Variants in ASTN2 observed in about 807,000 individuals in gnomAD.
ASTN2 encodes the protein astrotactin 2.
Under a neutral mutation model 139.8 loss-of-function variants are expected in ASTN2, and 54 were observed. The ratio of observed to expected loss-of-function variants is 0.39; its 90% confidence interval spans 0.31 to 0.48. ASTN2 has a LOEUF of 0.48. Ranked by LOEUF, ASTN2 falls within the 20% of genes least tolerant of loss-of-function variation. ASTN2 has a pLI of 0.95. For synonymous variants in ASTN2, 756 were observed against 719.5 expected (o/e 1.05, Z -0.81); for missense variants, 1,565 against 1,725.1 (o/e 0.91, Z 1.64).
intron 1 of ASTN2, among the ~76,000 whole-genome samples, chr9:117,363,744 T>C (rs1034765408): frequency 2.0e-5 from 3 of 152,150 alleles, no homozygotes; most frequent in Non-Finnish European, 4.4e-5. Flanking sequence ...CTGTTATCAG[T>C]GCCCAGGACA....
intron 16 of ASTN2, among the ~76,000 whole-genome samples, chr9:116,713,521 C>T (rs13340650): frequency 0.085 from 12,889 of 152,178 alleles, 1,821 homozygotes; most frequent in African/African-American, 0.29. Flanking sequence ...TGCAGGCTTA[C>T]ATCCTGCCGA....
intron 7 of ASTN2, among the ~76,000 whole-genome samples, chr9:116,998,652 G>C (rs987676932): frequency 1.3e-5 from 2 of 152,042 alleles, no homozygotes; most frequent in African/African-American, 4.8e-5. Flanking sequence ...TCCAGATACA[G>C]CAATAAACAA....
At position 116,633,206 on chromosome 9, in the gene ASTN2, G is replaced by A. The variant is rs531664641; in HGVS notation, c.3073-12763C>T. 2.6e-5 allele frequency among the ~76,000 whole-genome samples: 4 copies of A among 152,370 alleles called. 1 individual carries two copies. Among genetic ancestry groups the A allele is most frequent in the Admixed American group, 2.0e-4 (3 of 15,308 alleles). Reference sequence around the variant, plus strand: ...GAAACATCGGTTATAACTCTAGGGAGAAGACATAGCCATATCAGTAGCCTC... The same window carrying A: ...GAAACATCGGTTATAACTCTAGGGAAAAGACATAGCCATATCAGTAGCCTC... On this transcript the variant is annotated intron_variant, in intron 17 of 22. Transcript: ENST00000313400.
At chr9:117,393,157 C>T (rs1348591500) in intron 1 of ASTN2, among the ~76,000 whole-genome samples, 3 of 152,324 alleles carry the variant, frequency 2.0e-5, no homozygotes, top group East Asian at 3.9e-4. Context: ...TCCTTAGCTG[C>T]AAATACCATA....
At chr9:116,529,653 A>T (rs544181679) in intron 19 of ASTN2, among the ~76,000 whole-genome samples, 1 of 152,150 alleles carries the variant, frequency 6.6e-6, no homozygotes, top group South Asian at 2.1e-4. Context: ...TGTAATCCCC[A>T]CGTGTCAGGG....
At chr9:116,634,556 C>T (rs933912190) in intron 17 of ASTN2, among the ~76,000 whole-genome samples, 105 of 149,130 alleles carry the variant, frequency 7.0e-4, no homozygotes, top group African/African-American at 2.5e-3. Context: ...CGCCACTGCA[C>T]CCCAGCCTGG....
chr9:117,207,275 C>T (rs1831959139), intron 3 of ASTN2, among the ~76,000 whole-genome samples: 1 of 152,018 alleles, frequency 6.6e-6, no homozygotes, highest in African/African-American at 2.4e-5. Flanking sequence ...TCCTGTGGGC[C>T]ACCACCCACA....
At chr9:117,221,847 GA>G (rs57161095) in intron 2 of ASTN2, among the ~76,000 whole-genome samples, 2,504 of 145,002 alleles carry the variant, frequency 0.017, 78 homozygotes, top group African/African-American at 0.059. Context: ...AGTGTTAGAA[GA>G]AAAAAAAAAA....
intron 7 of ASTN2, among the ~76,000 whole-genome samples, chr9:116,993,770 A>C (rs1430111522): frequency 6.8e-6 from 1 of 147,278 alleles, no homozygotes; most frequent in Admixed American, 6.9e-5. Flanking sequence ...ATGTATATAC[A>C]GTATATATAT....
At chr9:116,856,835 G>A (rs577744343) in intron 11 of ASTN2, among the ~76,000 whole-genome samples, 1 of 152,304 alleles carries the variant, frequency 6.6e-6, no homozygotes, top group East Asian at 1.9e-4. Flanking sequence ...AGGAGTGTGG[G>A]ATTGGTTTGA....
chr9:116,680,094 T>C (rs1859754992), intron 16 of ASTN2, among the ~76,000 whole-genome samples: 1 of 152,136 alleles, frequency 6.6e-6, no homozygotes. Flanking sequence ...AGCTGGTTTT[T>C]TGAAAGGATC....
chr9:117,324,775 G>T (rs1280495138), intron 1 of ASTN2, among the ~76,000 whole-genome samples: 1 of 152,148 alleles, frequency 6.6e-6, no homozygotes, highest in Non-Finnish European at 1.5e-5. Context: ...AAGCATGCCA[G>T]ACCTCCCAGG....
intron 19 of ASTN2, among the ~76,000 whole-genome samples, chr9:116,536,029 A>G (rs1851609314): frequency 6.6e-6 from 1 of 152,030 alleles, no homozygotes; most frequent in Admixed American, 6.6e-5. Flanking sequence ...ACATAGTCCC[A>G]TATTTCTTGG....
chr9:117,159,245 G>GTT (rs1010601299), intron 3 of ASTN2, among the ~76,000 whole-genome samples: 3 of 151,864 alleles, frequency 2.0e-5, no homozygotes, highest in Non-Finnish European at 4.4e-5. Flanking sequence ...TTTCTGAACA[G>GTT]TTTTTTTAAA....
At chr9:117,037,206 C>T (rs1237962533) in intron 6 of ASTN2, among the ~76,000 whole-genome samples, 1 of 152,080 alleles carries the variant, frequency 6.6e-6, no homozygotes, top group Non-Finnish European at 1.5e-5. Flanking sequence ...GACAATTCCA[C>T]AGGCTGCTAT....
At chr9:116,519,711 C>T (rs1413489351) in intron 19 of ASTN2, among the ~76,000 whole-genome samples, 1 of 151,730 alleles carries the variant, frequency 6.6e-6, no homozygotes, top group East Asian at 1.9e-4. Flanking sequence ...ATAAATGAAA[C>T]AAAAATCTGG....
chr9:116,436,266 T>C (rs1454287552), intron 22 of ASTN2, among the ~76,000 whole-genome samples: 2 of 152,320 alleles, frequency 1.3e-5, no homozygotes, highest in South Asian at 2.1e-4. Flanking sequence ...ATTGTTTCCA[T>C]CTGTGATCTA....
chr9:117,320,507 A>G (rs747692619), intron 1 of ASTN2, among the ~76,000 whole-genome samples: 7 of 152,202 alleles, frequency 4.6e-5, no homozygotes, highest in Non-Finnish European at 7.3e-5. Flanking sequence ...TACTGTCACA[A>G]CCTATGAGGA....
At chr9:116,943,607 T>G (rs933679769) in intron 10 of ASTN2, among the ~76,000 whole-genome samples, 1 of 152,170 alleles carries the variant, frequency 6.6e-6, no homozygotes, top group Non-Finnish European at 1.5e-5. Flanking sequence ...TCTGGATGCA[T>G]GTAGGATTGT....
Sources: allele counts gnomAD v4.1 joint callset (sites outside exome capture counted in the v4.1 genomes callset), GRCh38; gene constraint gnomAD v4.1.1; transcripts MANE v1.5; gene names NCBI Gene and HGNC (gene_info 2026-07-23, HGNC 2026-07-21).